SLC4A1: variants seen among roughly 807,000 people sequenced by gnomAD.
The protein encoded by SLC4A1 is band 3 anion transport protein.
In SLC4A1, 29 loss-of-function variants were observed where a neutral mutation model predicts 93.1. The ratio of observed to expected loss-of-function variants is 0.31; its 90% CI spans 0.23 to 0.42. SLC4A1 has a LOEUF of 0.42. SLC4A1 is among the 20% of genes least tolerant of loss of function. The probability of loss-of-function intolerance (pLI) is 1.00; values close to 1 mark genes in which losing one functional copy is unlikely to be tolerated. For synonymous variants in SLC4A1, 469 were observed against 497.2 expected (o/e 0.94, Z 0.76); for missense variants, 965 against 1,190.1 (o/e 0.81, Z 2.78).
rs1459731308 is a variant in SLC4A1, at chr17:44,258,543, T to C, written c.957A>G (p.Leu319=). The change falls in exon 10 of 20, where the codon CTA becomes CTG. Residue 319 remains leucine (L), a synonymous_variant. Transcript: ENST00000262418. This position sits in a 1 kb window ranked among gnomAD's most constrained non-coding sequence, Gnocchi z 6.1. ...HSLEGFLDCS[L]VLPPTDAPSE... is the part of the protein sequence containing the mutation. ...AGGGGGCATCGGTGGGAGGCAGCACTAGGCTGCAGTCCAGGAAGCCCTCTA... is the reference window on the plus strand; with the variant it reads ...AGGGGGCATCGGTGGGAGGCAGCACCAGGCTGCAGTCCAGGAAGCCCTCTA... The C allele has an allele frequency of 6.2e-7, 1 of 1,613,682 alleles. No individual in the cohort carries two copies. The highest frequency in any genetic ancestry group is 8.5e-7 in the Non-Finnish European group (1 of 1,179,862).
chr17:44,259,206 T>C lies in SLC4A1; in HGVS notation c.833A>G (p.Tyr278Cys). 1 of 1,614,002 alleles carries C rather than the reference T, an allele frequency of 6.2e-7. No individual in the cohort carries two copies. Among genetic ancestry groups the C allele is most frequent in the Admixed American group, 1.7e-5 (1 of 60,012 alleles). The change falls in exon 9 of 20, where the codon TAC becomes TGC. Residue 278 changes from tyrosine (Y) to cysteine (C), a missense_variant. Transcript: ENST00000262418. ...LLGPEAPHIDYTQLGRAAATL... is the reference protein window; with the variant it reads ...LLGPEAPHIDCTQLGRAAATL... ...GGCAGCAGCCCGGCCAAGCTGGGTGTAATCGATGTGGGGGGCCTCAGGTCC... is the reference window on the plus strand; with the variant it reads ...GGCAGCAGCCCGGCCAAGCTGGGTGCAATCGATGTGGGGGGCCTCAGGTCC...
At chr17:44,255,367 T>C in intron 14 of SLC4A1, 71 bp from the exon 15 acceptor site, 1 of 1,209,384 alleles carries the variant, frequency 8.3e-7, no homozygotes, top group East Asian at 2.5e-5. Flanking sequence ...TCCTGCCCTA[T>C]ATTCACCCAC....
chr17:44,266,591 T>G (rs1165699373), intron 1 of SLC4A1, among the ~76,000 whole-genome samples: 1 of 151,924 alleles, frequency 6.6e-6, no homozygotes. Context: ...GAGACATCAG[T>G]GAGAGAGAAG....
chr17:44,258,535 G>A lies in SLC4A1; in HGVS notation c.965C>T (p.Pro322Leu). 4 of 1,613,914 alleles carry A rather than the reference G, an allele frequency of 2.5e-6. No individual in the cohort carries two copies. Among genetic ancestry groups the A allele is most frequent in the Non-Finnish European group, 3.4e-6 (4 of 1,179,952 alleles). Residue 322 changes from proline (P) to leucine (L), a missense_variant, in exon 10 of 20, where the codon CCT becomes CTT. By Grantham distance (98) the Pro-to-Leu change is moderately conservative (BLOSUM62 -3). Transcript: ENST00000262418. This position sits in a 1 kb window ranked among gnomAD's most constrained non-coding sequence, Gnocchi z 6.1. ...EGFLDCSLVL[P>L]PTDAPSEQAL... ...CTGCTCGGAGGGGGCATCGGTGGGA[G>A]GCAGCACTAGGCTGCAGTCCAGGAA...
chr17:44,251,317 T>C lies in SLC4A1; in HGVS notation c.2497A>G (p.Met833Val). 1 of 1,614,208 alleles carries C rather than the reference T, an allele frequency of 6.2e-7. No homozygotes were observed. The highest frequency in any genetic ancestry group is 1.1e-5 in the South Asian group (1 of 91,092). ...ATCTGGATGCCCGTGAATAAGTGCA[T>C]GCGCCAGGTCTTCACCTGCAGGCGG... ...PYVKRVKTWR[M>V]HLFTGIQIIC... Residue 833 changes from methionine (M) to valine (V), a missense_variant, in exon 19 of 20, where the codon ATG becomes GTG. Met to Val is a conservative substitution (Grantham distance 21, BLOSUM62 1). Coordinates refer to ENST00000262418, the MANE Select transcript of SLC4A1 (RefSeq NM_000342.4).
intron 8 of SLC4A1, 59 bp from the exon 9 acceptor site, chr17:44,259,403 A>T: frequency 6.2e-7 from 1 of 1,608,788 alleles, no homozygotes; most frequent in Non-Finnish European, 8.5e-7. Context: ...TGTGCTGAAG[A>T]GATGGGGCTG....
Position 44,260,808 on chromosome 17 carries a change from A to T in SLC4A1, c.176T>A (p.Val59Glu), listed in dbSNP as rs766170301. 4.3e-6 allele frequency: 7 copies of T among 1,612,124 alleles called. No homozygotes were observed. Among genetic ancestry groups the T allele is most frequent in the Non-Finnish European group, 5.9e-6 (7 of 1,180,014 alleles). Reference protein sequence around the residue: ...TSHPGTHKVYVELQELVMDEK... With the variant: ...TSHPGTHKVYEELQELVMDEK... ...GTCCATCACCAGCTCCTGCAGCTCC[A>T]CATAGACCTGTGGCCCCATGCGCCT... Residue 59 changes from valine to glutamate, a missense_variant, in exon 5 of 20, where the codon GTG becomes GAG. Physicochemically the swap from Val to Glu is moderately radical, Grantham distance 121. Around this residue, in one of 2 missense-constraint regions of SLC4A1, gnomAD observed 195 missense variants for 183.5 expected, o/e 1.06. Coordinates refer to ENST00000262418, the MANE Select transcript of SLC4A1 (RefSeq NM_000342.4).
chr17:44,255,324 C>A, intron 14 of SLC4A1, 28 bp from the exon 15 acceptor site: 1 of 1,520,536 alleles, frequency 6.6e-7, no homozygotes, highest in South Asian at 1.2e-5. Context: ...GACCAGTGGT[C>A]AGTGCCCAGT....
chr17:44,267,093 C>A (rs2047501760), intron 1 of SLC4A1, among the ~76,000 whole-genome samples: 1 of 152,174 alleles, frequency 6.6e-6, no homozygotes, highest in Non-Finnish European at 1.5e-5. Context: ...CTTCAGCCAC[C>A]CAGCAGGTAG....
In SLC4A1 at chr17:44,251,503, C is replaced by T. The variant is rs45536042; in HGVS notation, c.2397G>A (p.Ser799=). The change falls in exon 18 of 20, where the codon TCG becomes TCA. Residue 799 remains serine (S), a synonymous_variant. Coordinates refer to ENST00000262418, the MANE Select transcript of SLC4A1 (RefSeq NM_000342.4). ...GGTCAAAGAGCTGGATGCCGCTGAGCGACGTGACCCCCATGTAGAGGAAGA... is the reference window on the plus strand; with the variant it reads ...GGTCAAAGAGCTGGATGCCGCTGAGTGACGTGACCCCCATGTAGAGGAAGA... ...FGIFLYMGVT[S]LSGIQLFDRI... The T allele has an allele frequency of 1.4e-5, 23 of 1,614,094 alleles. No individual in the cohort carries two copies. The highest frequency in any genetic ancestry group is 1.8e-5 in the Non-Finnish European group (21 of 1,180,010).
At chr17:44,265,352 C>A (rs1257264568) in intron 1 of SLC4A1, among the ~76,000 whole-genome samples, 1 of 152,038 alleles carries the variant, frequency 6.6e-6, no homozygotes, top group Non-Finnish European at 1.5e-5. Context: ...GTCACTGGCG[C>A]TAGCCTAAAA....
chr17:44,254,066 C>A lies in SLC4A1; in HGVS notation c.2057+430G>T, dbSNP rs186167850. ...CTCGGCTCACTGCAACCTCCGCCTC[C>A]CGGGTTCAAGCGATTCTCCTGCCTC... On this transcript the variant is annotated intron_variant, in intron 16 of 19. Coordinates refer to ENST00000262418, the MANE Select transcript of SLC4A1 (RefSeq NM_000342.4). Among the ~76,000 whole-genome samples the A allele has an allele frequency of 5.9e-3, 890 of 151,166 alleles. 8 individuals are homozygous for A. The highest frequency in any genetic ancestry group is 0.02 in the African/African-American group (820 of 41,006).
At position 44,258,696 on chromosome 17, in the gene SLC4A1, C is replaced by T. The variant is rs2047413452; in HGVS notation, c.877-73G>A. 2.8e-6 allele frequency: 4 copies of T among 1,427,882 alleles called. No homozygotes were observed. Among genetic ancestry groups the T allele is most frequent in the South Asian group, 1.2e-5 (1 of 81,270 alleles). 88.5% of individuals were successfully genotyped at this position (1,427,882 alleles called of 1,614,324 possible). A position where few individuals can be genotyped will look rare whatever the true frequency, so the allele number is the denominator to read the frequency against. On this transcript the variant is annotated intron_variant, in intron 9 of 19. Transcript: ENST00000262418. This position sits in a 1 kb window ranked among gnomAD's most constrained non-coding sequence, Gnocchi z 6.1. The stretch of plus-strand genomic sequence containing the variant: ...AGGACCCAGGAGTCCACAGCCAGGG[C>T]CTCCAGGAACCAGAACCCCCTCAGG...
chr17:44,250,598 C>T lies in SLC4A1; in HGVS notation c.2656-60G>A, dbSNP rs569472000. The T allele has an allele frequency of 2.3e-4, 330 of 1,407,840 alleles. 3 individuals are homozygous for T. In the African/African-American group the frequency reaches 4.3e-3, roughly 18 times the overall value. The allele number at this position is 1,407,840 out of a possible 1,614,324, so 87.2% of individuals were successfully genotyped here. A position where few individuals can be genotyped will look rare whatever the true frequency, so the allele number is the denominator to read the frequency against. ...AGACCCTGGGGCCAGAAGAGCCCTC[C>T]CCGGGCACGAAAGGCACCTCTGGAG... On this transcript the variant is annotated intron_variant, in intron 19 of 19. Transcript: ENST00000262418.
At chr17:44,250,626 A>T (rs2144595087) in intron 19 of SLC4A1, 88 bp from the exon 20 acceptor site, 1 of 981,830 alleles carries the variant, frequency 1.0e-6, no homozygotes, top group African/African-American at 1.6e-5. Flanking sequence ...CTCTGGAGTT[A>T]GGAGAGGGTC....
rs751967295 is a variant in SLC4A1 at position 44,255,273 on chromosome 17, G to A, written c.1824C>T (p.Phe608=). ...TGATCAGGATGGAGATGGGGACCCCGAAGTCCCCGATGACCCGACGCAGCT... is the reference window on the plus strand; with the variant it reads ...TGATCAGGATGGAGATGGGGACCCCAAAGTCCCCGATGACCCGACGCAGCT... ...PGKLRRVIGD[F]GVPISILIMV... is the part of the protein sequence containing the mutation. Residue 608 remains phenylalanine, a synonymous_variant, in exon 15 of 20, where the codon TTC becomes TTT. Transcript: ENST00000262418. 19 of 1,556,864 alleles carry A rather than the reference G, an allele frequency of 1.2e-5. No individual in the cohort carries two copies. The highest frequency in any genetic ancestry group is 1.5e-5 in the Non-Finnish European group (17 of 1,149,602).
In SLC4A1 at chr17:44,258,463, C is replaced by T. The variant is rs199721620; in HGVS notation, c.1037G>A (p.Arg346His). Residue 346 changes from arginine to histidine, a missense_variant, in exon 10 of 20, where the codon CGC becomes CAC. Physicochemically the swap from Arg to His is conservative, Grantham distance 29 (BLOSUM62 0). Transcript: ENST00000262418. This position sits in a 1 kb window ranked among gnomAD's most constrained non-coding sequence, Gnocchi z 6.1. ...TGGCTTGGCAGGGCTGGACTGATAG[C>T]GCCTTCGAAGTAGCTCCCTCTGCAC... ...VPVQRELLRRRYQSSPAKPDS... is the reference protein window; with the variant it reads ...VPVQRELLRRHYQSSPAKPDS... 19 of 1,613,980 alleles carry T rather than the reference C, an allele frequency of 1.2e-5. No individual in the cohort carries two copies. In the East Asian group the frequency reaches 1.6e-4, roughly 13 times the overall value.
chr17:44,264,676 GT>G (rs2047480359), intron 1 of SLC4A1, among the ~76,000 whole-genome samples: 1 of 152,198 alleles, frequency 6.6e-6, no homozygotes, highest in African/African-American at 2.4e-5. Flanking sequence ...CTATTGCGGG[GT>G]TGGGGCTCTG....
In SLC4A1 at chr17:44,259,027, G is replaced by T. The variant is rs902307626; in HGVS notation, c.876+136C>A. Reference sequence around the variant, plus strand: ...CGCCCCGACTGCCCCCGCCAGGTAGGATAGCAGCAGCTGGATTAGGCTGAA... The same window carrying T: ...CGCCCCGACTGCCCCCGCCAGGTAGTATAGCAGCAGCTGGATTAGGCTGAA... On this transcript the variant is annotated intron_variant, in intron 9 of 19. Transcript: ENST00000262418. 5.4e-6 allele frequency: 5 copies of T among 919,908 alleles called. No homozygotes were observed. In the African/African-American group the frequency reaches 8.2e-5, roughly 15 times the overall value. 57.0% of individuals were successfully genotyped at this position (919,908 alleles called of 1,614,324 possible).
Sources: allele counts gnomAD v4.1 joint callset (sites outside exome capture counted in the v4.1 genomes callset), GRCh38; gene constraint gnomAD v4.1.1; regional missense constraint gnomAD v4.1.1; non-coding constraint Gnocchi (gnomAD v3.1); transcripts MANE v1.5; gene names NCBI Gene and HGNC (gene_info 2026-07-23, HGNC 2026-07-21).